PALM: variants seen among roughly 807,000 people sequenced by gnomAD.
The protein encoded by PALM is paralemmin, also known as paralemmin-1.
In PALM, 18 loss-of-function variants were observed where a neutral mutation model predicts 30.7. That is an observed-to-expected ratio of 0.59 (90% CI 0.41 to 0.87). The LOEUF (loss-of-function observed/expected upper bound fraction) is 0.87, where lower values mean the gene tolerates loss of function less well. Ranked by LOEUF, PALM falls within the 40% of genes least tolerant of loss-of-function variation. PALM has a pLI of 0.00. For missense variants in PALM, 529 were observed against 555.4 expected (o/e 0.95, Z 0.48); for synonymous variants, 286 against 242.8 (o/e 1.18, Z -1.66).
At chr19:719,553 C>T in intron 1 of PALM, 1 of 985,774 alleles carries the variant, frequency 1.0e-6, no homozygotes, top group Middle Eastern at 5.2e-4. Flanking sequence ...AGCACCTGCC[C>T]CGGGACCCCC....
chr19:734,508 A>G (rs1384676629), intron 6 of PALM: 2 of 384,296 alleles, frequency 5.2e-6, no homozygotes, highest in Non-Finnish European at 9.5e-6. Context: ...GTTCAAGAGC[A>G]TGCTGGGCAA....
At chr19:730,641 C>T (rs748302578) in intron 4 of PALM, among the ~76,000 whole-genome samples, 12 of 152,152 alleles carry the variant, frequency 7.9e-5, no homozygotes, top group East Asian at 3.9e-4. Context: ...TTTTGCACTC[C>T]GTGCCTCAGT....
chr19:736,910 G>A (rs753643606), intron 7 of PALM, among the ~76,000 whole-genome samples: 7 of 152,288 alleles, frequency 4.6e-5, no homozygotes, highest in Non-Finnish European at 7.3e-5. Flanking sequence ...AAAATTAGCC[G>A]GGCATGGTGG....
At chr19:728,027 G>A (rs1205668767) in intron 4 of PALM, among the ~76,000 whole-genome samples, 2 of 94,842 alleles carry the variant, frequency 2.1e-5, no homozygotes, top group Admixed American at 1.1e-4. Context: ...AGCGGGGGAC[G>A]TGACGTCGAG....
Position 740,408 on chromosome 19 carries a change from G to C in PALM, c.559G>C (p.Val187Leu). Residue 187 changes from valine to leucine, a missense_variant, in exon 8 of 9, where the codon GTG becomes CTG. Transcript: ENST00000338448. Reference protein sequence around the residue: ...EKDKVTGETRVLSSTTLLPRQ... With the variant: ...EKDKVTGETRLLSSTTLLPRQ... ...GGACAAGGTGACAGGGGAGACCAGGGTGCTGTCCAGCACCACGCTGCTCCC... is the reference window on the plus strand; with the variant it reads ...GGACAAGGTGACAGGGGAGACCAGGCTGCTGTCCAGCACCACGCTGCTCCC... 1 of 1,557,386 alleles carries C rather than the reference G, an allele frequency of 6.4e-7. No homozygotes were observed. The highest frequency in any genetic ancestry group is 8.7e-7 in the Non-Finnish European group (1 of 1,150,384).
chr19:708,940 C>G lies in PALM; in HGVS notation c.-207C>G, dbSNP rs1466168751. The G allele has an allele frequency of 6.8e-6, 1 of 147,794 alleles. No homozygotes were observed. The highest frequency in any genetic ancestry group is 1.5e-5 in the Non-Finnish European group (1 of 66,488). The allele number at this position is 147,794 out of a possible 1,614,324, so 9.2% of individuals were successfully genotyped here. A position where few individuals can be genotyped will look rare whatever the true frequency, so the allele number is the denominator to read the frequency against. ...GCGCGCCCAGCCCACCCCCCGCGCCCGCCGCCGCCCGGACAATAAACAGCA... is the reference window on the plus strand; with the variant it reads ...GCGCGCCCAGCCCACCCCCCGCGCCGGCCGCCGCCCGGACAATAAACAGCA... On this transcript the variant is annotated 5_prime_UTR_variant, in exon 1 of 9. Coordinates refer to ENST00000338448, the MANE Select transcript of PALM (RefSeq NM_002579.3).
At chr19:726,448 C>G (rs1295480181) in intron 2 of PALM, among the ~76,000 whole-genome samples, 1 of 152,168 alleles carries the variant, frequency 6.6e-6, no homozygotes, top group Non-Finnish European at 1.5e-5. Flanking sequence ...TGGAACCCTG[C>G]CCTCGTCCTG....
intron 4 of PALM, among the ~76,000 whole-genome samples, chr19:729,909 G>C (rs1426773477): frequency 1.3e-5 from 2 of 152,228 alleles, no homozygotes; most frequent in African/African-American, 2.4e-5. Flanking sequence ...GGCAGTGGGA[G>C]TTACTGGCCG....
At chr19:741,659 G>A (rs547500502) in intron 8 of PALM, among the ~76,000 whole-genome samples, 19 of 152,070 alleles carry the variant, frequency 1.2e-4, no homozygotes, top group Admixed American at 5.2e-4. Context: ...GGGGACAGGC[G>A]GGGCCGTGTC....
At position 746,740 on chromosome 19, in the gene PALM, C is replaced by T; in HGVS notation, c.1090C>T (p.Pro364Ser). The T allele has an allele frequency of 1.9e-6, 3 of 1,600,738 alleles. No individual in the cohort carries two copies. Among genetic ancestry groups the T allele is most frequent in the South Asian group, 2.2e-5 (2 of 89,870 alleles). Residue 364 changes from proline to serine, a missense_variant, in exon 9 of 9, where the codon CCC becomes TCC. Coordinates refer to ENST00000338448, the MANE Select transcript of PALM (RefSeq NM_002579.3). The surrounding 1 kb of genome is among the most constrained non-coding windows in gnomAD (Gnocchi z 7.1). ...CTCCAGGGAAGAGAATCAGGCGGGG[C>T]CCGAGGCCACCACCAGCGACCCCCA... ...AASREENQAG[P>S]EATTSDPQDL...
chr19:722,000 G>C (rs972898758), intron 1 of PALM, among the ~76,000 whole-genome samples: 1 of 151,504 alleles, frequency 6.6e-6, no homozygotes, highest in African/African-American at 2.4e-5. Context: ...CTCACTGCAA[G>C]CTCCGCCTTC....
chr19:725,807 G>A (rs2032640831), intron 1 of PALM, among the ~76,000 whole-genome samples: 1 of 152,116 alleles, frequency 6.6e-6, no homozygotes. Context: ...TGGGCCAGGA[G>A]GTGATACACT....
intron 7 of PALM, among the ~76,000 whole-genome samples, chr19:736,317 C>A (rs979937607): frequency 2.0e-5 from 3 of 152,178 alleles, no homozygotes; most frequent in Admixed American, 6.5e-5. Flanking sequence ...AAGACGGGCC[C>A]CACGCATGGC....
Position 711,054 on chromosome 19 carries a change from G to T in PALM, c.5+1903G>T, listed in dbSNP as rs2032062886. 1.4e-5 allele frequency: 4 copies of T among 286,342 alleles called. No individual in the cohort carries two copies. In the South Asian group the frequency reaches 4.0e-4, roughly 29 times the overall value. 17.7% of individuals were successfully genotyped at this position (286,342 alleles called of 1,614,324 possible). A position where few individuals can be genotyped will look rare whatever the true frequency, so the allele number is the denominator to read the frequency against. ...ACGGGAGCTGGCTGTGGTTTGTGGT[G>T]GTGCCCGTCTCGCTGGAAAGTTTCA... On this transcript the variant is annotated intron_variant, in intron 1 of 8. Coordinates refer to ENST00000338448, the MANE Select transcript of PALM (RefSeq NM_002579.3).
rs780774757 is a variant in PALM at position 726,139 on chromosome 19, G to A, written c.7G>A (p.Val3Ile). 47 of 1,612,922 alleles carry A rather than the reference G, an allele frequency of 2.9e-5. 1 individual carries two copies. The South Asian group carries it at 4.0e-4, about 14-fold the overall frequency. ...CTTGACCTTATCTCCCTCCCGCAGGGTCCTGGCGGCAGAGACCACGTCCCA... is the reference window on the plus strand; with the variant it reads ...CTTGACCTTATCTCCCTCCCGCAGGATCCTGGCGGCAGAGACCACGTCCCA... The part of the protein sequence containing the change: ME[V>I]LAAETTSQQE... Residue 3 changes from valine (V) to isoleucine (I), a missense_variant and splice_region_variant, in exon 2 of 9, where the codon GTC becomes ATC. Val to Ile is a conservative substitution (Grantham distance 29). Coordinates refer to ENST00000338448, the MANE Select transcript of PALM (RefSeq NM_002579.3).
intron 1 of PALM, among the ~76,000 whole-genome samples, chr19:717,487 C>T (rs551977638): frequency 1.8e-4 from 28 of 152,260 alleles, no homozygotes; most frequent in Admixed American, 5.9e-4. Context: ...GAGCCTCGCT[C>T]CTGTTCACGG....
chr19:728,041 G>A (rs114689735), intron 4 of PALM, among the ~76,000 whole-genome samples: 1 of 147,756 alleles, frequency 6.8e-6, no homozygotes, highest in Non-Finnish European at 1.5e-5. Flanking sequence ...CGTCGAGCTC[G>A]TGGGTCCCTG....
At chr19:743,729 T>C (rs556659567) in intron 8 of PALM, among the ~76,000 whole-genome samples, 1 of 152,056 alleles carries the variant, frequency 6.6e-6, no homozygotes, top group Non-Finnish European at 1.5e-5. Flanking sequence ...GAGCTAGGGC[T>C]GGTGTTAGAT....
Position 746,344 on chromosome 19 carries a change from G to T in PALM, c.694G>T (p.Val232Leu). Residue 232 changes from valine (V) to leucine (L), a missense_variant, in exon 9 of 9, where the codon GTG becomes TTG. Transcript: ENST00000338448. The surrounding 1 kb of genome is among the most constrained non-coding windows in gnomAD (Gnocchi z 7.1). ...NGIHPLSSSE[V>L]DELIHKADEV... ...GATCCACCCCCTGAGCTCCTCCGAG[G>T]TGGACGAACTCATCCACAAAGCGGA... The T allele has an allele frequency of 1.2e-6, 2 of 1,613,446 alleles. No individual in the cohort carries two copies. Among genetic ancestry groups the T allele is most frequent in the Middle Eastern group, 1.7e-4 (1 of 6,058 alleles).
Sources: gnomAD v4.1 joint callset for allele counts (sites outside exome capture counted in the v4.1 genomes callset) on GRCh38, gnomAD v4.1.1 for gene constraint, Gnocchi (gnomAD v3.1) non-coding constraint, MANE v1.5 for transcripts, NCBI Gene and HGNC (gene_info 2026-07-23, HGNC 2026-07-21) for gene names.